The following FER variants were observed in gnomAD, a reference collection of about 807,000 sequenced individuals.
FER encodes tyrosine-protein kinase Fer.
A neutral mutation model predicts 111.0 loss-of-function variants in FER; 63 were observed. That is an observed-to-expected ratio of 0.57 (90% CI 0.46 to 0.70). The LOEUF is 0.70. Among genes scored for constraint, FER ranks in the 30% least tolerant of loss-of-function variants. The pLI is 0.00. For synonymous variants in FER, 327 were observed against 313.9 expected (o/e 1.04, Z -0.44); for missense variants, 914 against 954.0 (o/e 0.96, Z 0.55).
chr5:108,883,359 A>G (rs1561558379), intron 8 of FER, 37 bp from the exon 9 acceptor site: 2 of 1,553,466 alleles, frequency 1.3e-6, no homozygotes, highest in Non-Finnish European at 8.7e-7. Flanking sequence ...GTGAAAATTA[A>G]TTTGTTGGTT....
rs78669324 is a variant in FER at position 109,137,984 on chromosome 5, T to C, written c.2048+37465T>C. Among the ~76,000 whole-genome samples the C allele has an allele frequency of 7.8e-3, 1,190 of 152,318 alleles. 11 individuals carry two copies. The highest frequency in any genetic ancestry group is 0.028 in the African/African-American group (1,155 of 41,554). On this transcript the variant is annotated intron_variant, in intron 17 of 19. Coordinates refer to ENST00000281092, the MANE Select transcript of FER (RefSeq NM_005246.4). ...GGGCCTACTCTCTAGCTCTAGTCTT[T>C]AACTAATGCACTGGTTTGGTCTTCC...
intron 13 of FER, among the ~76,000 whole-genome samples, chr5:109,015,685 T>C (rs1766994513): frequency 6.6e-6 from 1 of 152,078 alleles, no homozygotes. Context: ...GACAGCATTA[T>C]ATATGGTAAT....
chr5:109,151,862 A>C (rs972799925), intron 17 of FER, among the ~76,000 whole-genome samples: 2 of 152,130 alleles, frequency 1.3e-5, no homozygotes, highest in African/African-American at 4.8e-5. Flanking sequence ...CATAACTCGC[A>C]AAATCAGAAA....
At chr5:109,169,748 T>C (rs1296860827) in intron 17 of FER, among the ~76,000 whole-genome samples, 1 of 152,192 alleles carries the variant, frequency 6.6e-6, no homozygotes, top group East Asian at 1.9e-4. Flanking sequence ...GAGTTTGCCA[T>C]TTGCCACCCA....
At chr5:109,183,196 G>A (rs193009609) in intron 18 of FER, among the ~76,000 whole-genome samples, 4 of 149,436 alleles carry the variant, frequency 2.7e-5, no homozygotes, top group Admixed American at 2.6e-4. Context: ...ACCCAGAGAA[G>A]TTTAGTTCCC....
intron 18 of FER, among the ~76,000 whole-genome samples, chr5:109,183,164 C>T (rs1395807980): frequency 6.6e-6 from 1 of 151,838 alleles, no homozygotes; most frequent in East Asian, 1.9e-4. Flanking sequence ...TCCTGAAAGA[C>T]TCTACAAGCC....
At chr5:109,067,509 G>A (rs73213526) in intron 16 of FER, among the ~76,000 whole-genome samples, 6,633 of 151,870 alleles carry the variant, frequency 0.044, 511 homozygotes, top group African/African-American at 0.15. Context: ...ACAAATGATA[G>A]CTTATACACT....
intron 17 of FER, among the ~76,000 whole-genome samples, chr5:109,124,589 TGTTGTTG>T (rs976716779): frequency 4.3e-5 from 2 of 46,170 alleles, no homozygotes; most frequent in African/African-American, 3.7e-4. Context: ...TTAATAGTTT[TGTTGTTG>T]TTGTTGTTGT....
intron 16 of FER, 104 bp downstream of exon 16, chr5:109,047,302 T>G: frequency 1.5e-6 from 1 of 650,586 alleles, no homozygotes; most frequent in Non-Finnish European, 2.6e-6. Context: ...TCTCCAAGGA[T>G]TTTGTTTAAC....
Position 108,900,995 on chromosome 5 carries a change from G to A in FER, c.1236+3147G>A, listed in dbSNP as rs1375627902. ...AGGTGGGACCTTTGAGAGGTGATTA[G>A]GTCAGGAGGGCTTCATCCTTATGGA... On this transcript the variant is annotated intron_variant, in intron 10 of 19. Transcript: ENST00000281092. Among the ~76,000 whole-genome samples the A allele has an allele frequency of 2.6e-5, 4 of 152,140 alleles. No individual in the cohort carries two copies. The East Asian group carries it at 5.8e-4, about 22-fold the overall frequency.
chr5:109,112,953 T>C (rs905269287), intron 17 of FER, among the ~76,000 whole-genome samples: 4 of 152,162 alleles, frequency 2.6e-5, no homozygotes, highest in African/African-American at 7.2e-5. Context: ...ATGAAACCTT[T>C]GACATTTTCA....
rs151041156 is a variant in FER at position 109,072,863 on chromosome 5, G to C, written c.1924+25665G>C. Among the ~76,000 whole-genome samples the C allele has an allele frequency of 7.8e-3, 1,186 of 152,128 alleles. 13 individuals carry two copies. Among genetic ancestry groups the C allele is most frequent in the African/African-American group, 0.028 (1,149 of 41,510 alleles). On this transcript the variant is annotated intron_variant, in intron 16 of 19. Transcript: ENST00000281092. ...AAGCTCTGGGGAGTAATTTATTCCTGCTTCTTCCTAGCTTTTCTGGCAATT... is the reference window on the plus strand; with the variant it reads ...AAGCTCTGGGGAGTAATTTATTCCTCCTTCTTCCTAGCTTTTCTGGCAATT...
intron 1 of FER, among the ~76,000 whole-genome samples, chr5:108,762,031 C>T (rs925413407): frequency 1.3e-5 from 2 of 152,118 alleles, no homozygotes; most frequent in African/African-American, 4.8e-5. Flanking sequence ...CTGCCTCAGC[C>T]TCCCAAGTAG....
In FER at chr5:108,844,041, CATATATATGTGTGTGAACAT is replaced by C. The variant is rs201634534; in HGVS notation, c.481+8241_481+8260del. On this transcript the variant is annotated intron_variant, in intron 5 of 19. Transcript: ENST00000281092. ...GTGTGAACATATATATGTGTGTGAA[CATATATATGTGTGTGAACAT>C]ATATATGTGTGTGAACATATATGCG... 6.6e-3 allele frequency among the ~76,000 whole-genome samples: 629 copies of C among 95,424 alleles called. 1 individual carries two copies. The highest frequency in any genetic ancestry group is 0.013 in the African/African-American group (295 of 23,070). The allele number at this position is 95,424 out of a possible 152,430, so 62.6% of individuals were successfully genotyped here. A position where few individuals can be genotyped will look rare whatever the true frequency, so the allele number is the denominator to read the frequency against.
intron 10 of FER, among the ~76,000 whole-genome samples, chr5:108,922,914 A>T (rs530494807): frequency 6.6e-6 from 1 of 152,320 alleles, no homozygotes; most frequent in South Asian, 2.1e-4. Context: ...ACAGTATAGT[A>T]GTTAATTGCA....
chr5:108,764,273 A>T (rs564460436), intron 1 of FER, among the ~76,000 whole-genome samples: 12 of 152,276 alleles, frequency 7.9e-5, no homozygotes, highest in African/African-American at 2.9e-4. Flanking sequence ...ACAATCATTT[A>T]AAAAAATATA....
chr5:109,179,371 A>T (rs1170434756), intron 17 of FER, among the ~76,000 whole-genome samples: 1 of 151,234 alleles, frequency 6.6e-6, no homozygotes, highest in Non-Finnish European at 1.5e-5. Flanking sequence ...AGGTTAAATA[A>T]ATTCCTTAAT....
intron 12 of FER, among the ~76,000 whole-genome samples, chr5:108,959,009 C>T (rs1236622646): frequency 1.3e-5 from 2 of 151,778 alleles, no homozygotes; most frequent in Non-Finnish European, 3.0e-5. Flanking sequence ...ATTTATCTGT[C>T]ACAAGGTAGA....
chr5:108,888,677 A>G (rs1747542071), intron 9 of FER, among the ~76,000 whole-genome samples: 1 of 151,934 alleles, frequency 6.6e-6, no homozygotes, highest in Non-Finnish European at 1.5e-5. Flanking sequence ...GCTCAATGGT[A>G]TTATAAACAT....
Sources: gnomAD v4.1 joint callset for allele counts (sites outside exome capture counted in the v4.1 genomes callset) on GRCh38, gnomAD v4.1.1 for gene constraint, MANE v1.5 for transcripts, NCBI Gene and HGNC (gene_info 2026-07-23, HGNC 2026-07-21) for gene names.